Variants in H2BC21 observed in about 807,000 individuals in gnomAD.
H2BC21 encodes H2B clustered histone 21.
Under a neutral mutation model 6.2 loss-of-function variants are expected in H2BC21, and 2 were observed. The ratio of observed to expected loss-of-function variants is 0.32; its 90% CI spans 0.13 to 1.02. The LOEUF is 1.02. H2BC21 is among the 50% of genes least tolerant of loss of function. The probability of loss-of-function intolerance (pLI) is 0.47; values close to 1 mark genes in which losing one functional copy is unlikely to be tolerated. For synonymous variants in H2BC21, 109 were observed against 75.2 expected, an observed-to-expected ratio of 1.45 and a Z score of -2.33; for missense variants, 98 against 172.2, an observed-to-expected ratio of 0.57 and a Z score of 2.41.
At position 149,886,018 on chromosome 1, in the gene H2BC21, C is replaced by T; in HGVS notation, c.*242G>A. 1 of 666,584 alleles carries T rather than the reference C, an allele frequency of 1.5e-6. No individual in the cohort carries two copies. The highest frequency in any genetic ancestry group is 2.5e-6 in the Non-Finnish European group (1 of 406,152). 41.3% of individuals were successfully genotyped at this position (666,584 alleles called of 1,614,324 possible). A position where few individuals can be genotyped will look rare whatever the true frequency, so the allele number is the denominator to read the frequency against. ...GGCTAAGCAGCACAATGAGTAAAGA[C>T]ACGCTCTAGATTCAAAAGCAAATCC... is the stretch of plus-strand genomic sequence containing the variant. On this transcript the variant is annotated 3_prime_UTR_variant, in exon 1 of 1. Coordinates refer to ENST00000369155, the MANE Select transcript of H2BC21 (RefSeq NM_003528.3).
In H2BC21 at chr1:149,886,653, T is replaced by C. The variant is rs781863545; in HGVS notation, c.-13A>G. On this transcript the variant is annotated 5_prime_UTR_variant, in exon 1 of 1. Coordinates refer to ENST00000369155, the MANE Select transcript of H2BC21 (RefSeq NM_003528.3). ...CCGGTTCAGGCATGGTAAGACACAGTACAAACGCGGCTTAGCCAAGAAAAG... is the reference window on the plus strand; with the variant it reads ...CCGGTTCAGGCATGGTAAGACACAGCACAAACGCGGCTTAGCCAAGAAAAG... The C allele has an allele frequency of 2.4e-5, 38 of 1,602,992 alleles. No individual in the cohort carries two copies. In the East Asian group the frequency reaches 6.2e-4, roughly 26 times the overall value.
rs2092290374 is a variant in H2BC21, at chr1:149,885,301, TGCAC to T, written c.*955_*958del. ...TGTCCATAATGTGCCAGGCTGAAGA[TGCAC>T]GGGAAAACCACACTAGCCGGTCTGT... is the stretch of plus-strand genomic sequence containing the variant. On this transcript the variant is annotated 3_prime_UTR_variant, in exon 1 of 1. Transcript: ENST00000369155. The T allele has an allele frequency of 6.6e-6, 1 of 152,310 alleles. No homozygotes were observed. The highest frequency in any genetic ancestry group is 1.5e-5 in the Non-Finnish European group (1 of 68,044). 9.4% of individuals were successfully genotyped at this position (152,310 alleles called of 1,614,324 possible). A position where few individuals can be genotyped will look rare whatever the true frequency, so the allele number is the denominator to read the frequency against.
At position 149,886,010 on chromosome 1, in the gene H2BC21, A is replaced by C. The variant is rs1309567870; in HGVS notation, c.*250T>G. ...CCTGGGAAGGCTAAGCAGCACAATG[A>C]GTAAAGACACGCTCTAGATTCAAAA... is the stretch of plus-strand genomic sequence containing the variant. On this transcript the variant is annotated 3_prime_UTR_variant, in exon 1 of 1. Transcript: ENST00000369155. The C allele has an allele frequency of 4.9e-5, 31 of 637,088 alleles. No homozygotes were observed. The highest frequency in any genetic ancestry group is 7.8e-5 in the Non-Finnish European group (30 of 383,050). 39.5% of individuals were successfully genotyped at this position (637,088 alleles called of 1,614,324 possible). A position where few individuals can be genotyped will look rare whatever the true frequency, so the allele number is the denominator to read the frequency against.
In H2BC21 at chr1:149,886,591, T is replaced by G; in HGVS notation, c.50A>C (p.Lys17Thr). Residue 17 changes from lysine (K) to threonine (T), a missense_variant, in exon 1 of 1, where the codon AAA becomes ACA. Physicochemically the swap from Lys to Thr is moderately conservative, Grantham distance 78. Around this residue, in one of 2 missense-constraint regions of H2BC21, gnomAD observed 50 missense variants for 34.4 expected, o/e 1.45. Transcript: ENST00000369155. ...SAPAPKKGSK[K>T]AVTKAQKKDG... ...TTTCTTCTGGGCTTTGGTGACGGCT[T>G]TCTTGGAGCCCTTTTTAGGGGCCGG... 1 of 1,614,216 alleles carries G rather than the reference T, an allele frequency of 6.2e-7. No individual in the cohort carries two copies. Among genetic ancestry groups the G allele is most frequent in the Non-Finnish European group, 8.5e-7 (1 of 1,180,032 alleles).
Position 149,885,025 on chromosome 1 carries a change from T to TG in H2BC21, c.*1234dup, listed in dbSNP as rs1221181894. On this transcript the variant is annotated 3_prime_UTR_variant, in exon 1 of 1. Transcript: ENST00000369155. Reference sequence around the variant, plus strand: ...TATGCTAAACTGAGAAGCATAAGGGTGGATCTACCATTGCCACCTCCTCTT... The same window carrying TG: ...TATGCTAAACTGAGAAGCATAAGGGTGGGATCTACCATTGCCACCTCCTCTT... The TG allele has an allele frequency of 3.9e-5, 6 of 152,612 alleles. No homozygotes were observed. Among genetic ancestry groups the TG allele is most frequent in the Non-Finnish European group, 7.3e-5 (5 of 68,036 alleles). 9.5% of individuals were successfully genotyped at this position (152,612 alleles called of 1,614,324 possible).
Position 149,886,671 on chromosome 1 carries a change from A to G in H2BC21, c.-31T>C, listed in dbSNP as rs2092301193. On this transcript the variant is annotated 5_prime_UTR_variant, in exon 1 of 1. Transcript: ENST00000369155. ...GACACAGTACAAACGCGGCTTAGCC[A>G]AGAAAAGAAGTAAGAGAATGGGCGG... The G allele has an allele frequency of 2.5e-6, 4 of 1,590,694 alleles. No individual in the cohort carries two copies. The highest frequency in any genetic ancestry group is 2.2e-5 in the East Asian group (1 of 44,726).
Position 149,884,965 on chromosome 1 carries a change from C to G in H2BC21, c.*1295G>C, listed in dbSNP as rs2092288226. The G allele has an allele frequency of 6.6e-6, 1 of 152,482 alleles. No individual in the cohort carries two copies. Among genetic ancestry groups the G allele is most frequent in the Admixed American group, 6.5e-5 (1 of 15,274 alleles). The allele number at this position is 152,482 out of a possible 1,614,324, so 9.4% of individuals were successfully genotyped here. A position where few individuals can be genotyped will look rare whatever the true frequency, so the allele number is the denominator to read the frequency against. ...GAAGGAAAAGGCTCTTTCCAGTGAC[C>G]AACACGCTGAATTTGATGAAAATCC... On this transcript the variant is annotated 3_prime_UTR_variant, in exon 1 of 1. Transcript: ENST00000369155.
rs1473616086 is a variant in H2BC21 at position 149,886,494 on chromosome 1, G to A, written c.147C>T (p.Val49=). 3.1e-6 allele frequency: 5 copies of A among 1,614,168 alleles called. No individual in the cohort carries two copies. The highest frequency in any genetic ancestry group is 1.6e-4 in the Middle Eastern group (1 of 6,084). ...SIYVYKVLKQ[V]HPDTGISSKA... ...TGGACGAGATGCCGGTGTCGGGGTGGACCTGCTTCAGCACCTTGTACACGT... is the reference window on the plus strand; with the variant it reads ...TGGACGAGATGCCGGTGTCGGGGTGAACCTGCTTCAGCACCTTGTACACGT... Residue 49 remains valine, a synonymous_variant, in exon 1 of 1, where the codon GTC becomes GTT. Coordinates refer to ENST00000369155, the MANE Select transcript of H2BC21 (RefSeq NM_003528.3).
chr1:149,885,407 GAC>G lies in H2BC21; in HGVS notation c.*851_*852del, dbSNP rs1571465882. ...AGCTGCTAGAAGGAAGATAAAATGA[GAC>G]AGGCAAGTATGAGAGGCGCGAATTC... On this transcript the variant is annotated 3_prime_UTR_variant, in exon 1 of 1. Transcript: ENST00000369155. 1 of 152,320 alleles carries G rather than the reference GAC, an allele frequency of 6.6e-6. No individual in the cohort carries two copies. The highest frequency in any genetic ancestry group is 6.5e-5 in the Admixed American group (1 of 15,292). The allele number at this position is 152,320 out of a possible 1,614,324, so 9.4% of individuals were successfully genotyped here.
chr1:149,886,019 A>G lies in H2BC21; in HGVS notation c.*241T>C, dbSNP rs1396376637. 3.0e-6 allele frequency: 2 copies of G among 666,750 alleles called. No individual in the cohort carries two copies. Among genetic ancestry groups the G allele is most frequent in the Non-Finnish European group, 4.9e-6 (2 of 406,154 alleles). 41.3% of individuals were successfully genotyped at this position (666,750 alleles called of 1,614,324 possible). On this transcript the variant is annotated 3_prime_UTR_variant, in exon 1 of 1. Transcript: ENST00000369155. ...GCTAAGCAGCACAATGAGTAAAGACACGCTCTAGATTCAAAAGCAAATCCA... is the reference window on the plus strand; with the variant it reads ...GCTAAGCAGCACAATGAGTAAAGACGCGCTCTAGATTCAAAAGCAAATCCA...
chr1:149,886,047 G>A lies in H2BC21; in HGVS notation c.*213C>T, dbSNP rs1553759653. 1 of 772,346 alleles carries A rather than the reference G, an allele frequency of 1.3e-6. No homozygotes were observed. Among genetic ancestry groups the A allele is most frequent in the African/African-American group, 1.8e-5 (1 of 56,900 alleles). 47.8% of individuals were successfully genotyped at this position (772,346 alleles called of 1,614,324 possible). ...CTCTAGATTCAAAAGCAAATCCAAT[G>A]ACGCACTGGGGACCTCGAGTTCCAA... On this transcript the variant is annotated 3_prime_UTR_variant, in exon 1 of 1. Transcript: ENST00000369155.
rs1318605758 is a variant in H2BC21 at position 149,886,163 on chromosome 1, G to A, written c.*97C>T. The A allele has an allele frequency of 4.4e-6, 7 of 1,576,296 alleles. No individual in the cohort carries two copies. In the Admixed American group the frequency reaches 7.4e-5, roughly 17 times the overall value. ...AGAAACTAAGGGAATAAGTGAACAAGCTCTTTTCTAGTGATTAGGTGGGTG... is the reference window on the plus strand; with the variant it reads ...AGAAACTAAGGGAATAAGTGAACAAACTCTTTTCTAGTGATTAGGTGGGTG... On this transcript the variant is annotated 3_prime_UTR_variant, in exon 1 of 1. Coordinates refer to ENST00000369155, the MANE Select transcript of H2BC21 (RefSeq NM_003528.3).
chr1:149,886,449 G>C lies in H2BC21; in HGVS notation c.192C>G (p.Asn64Lys), dbSNP rs2092298723. The C allele has an allele frequency of 6.2e-7, 1 of 1,614,146 alleles. No individual in the cohort carries two copies. The highest frequency in any genetic ancestry group is 1.7e-5 in the Admixed American group (1 of 60,014). Reference sequence around the variant, plus strand: ...GCTCGAAGATGTCGTTGACGAAGGAGTTCATGATGCCCATGGCCTTGGACG... The same window carrying C: ...GCTCGAAGATGTCGTTGACGAAGGACTTCATGATGCCCATGGCCTTGGACG... ...GISSKAMGIM[N>K]SFVNDIFERI... Residue 64 changes from asparagine (N) to lysine (K), a missense_variant, in exon 1 of 1, where the codon AAC (asparagine) becomes AAG (lysine). By Grantham distance (94) the Asn-to-Lys change is moderately conservative. This residue lies in a region of H2BC21 where 48 missense variants were observed against 137.8 expected (regional missense o/e 0.35). Coordinates refer to ENST00000369155, the MANE Select transcript of H2BC21 (RefSeq NM_003528.3).
rs1553759736 is a variant in H2BC21, at chr1:149,886,470, G to A, written c.171C>T (p.Ser57=). The change falls in exon 1 of 1, where the codon TCC becomes TCT. Residue 57 remains serine (S), a synonymous_variant. Coordinates refer to ENST00000369155, the MANE Select transcript of H2BC21 (RefSeq NM_003528.3). The part of the protein sequence containing the change: ...KQVHPDTGIS[S]KAMGIMNSFV... ...AGGAGTTCATGATGCCCATGGCCTT[G>A]GACGAGATGCCGGTGTCGGGGTGGA... 2.5e-6 allele frequency: 4 copies of A among 1,614,258 alleles called. No homozygotes were observed. Among genetic ancestry groups the A allele is most frequent in the Non-Finnish European group, 3.4e-6 (4 of 1,180,040 alleles).
rs1483898719 is a variant in H2BC21, at chr1:149,885,980, C to G, written c.*280G>C. The G allele has an allele frequency of 9.4e-6, 5 of 530,756 alleles. No individual in the cohort carries two copies. Among genetic ancestry groups the G allele is most frequent in the African/African-American group, 1.9e-5 (1 of 52,066 alleles). 32.9% of individuals were successfully genotyped at this position (530,756 alleles called of 1,614,324 possible). A position where few individuals can be genotyped will look rare whatever the true frequency, so the allele number is the denominator to read the frequency against. On this transcript the variant is annotated 3_prime_UTR_variant, in exon 1 of 1. Transcript: ENST00000369155. ...GATTCCCAACAGCCTAATTGAGAAC[C>G]GACTCCTGGGAAGGCTAAGCAGCAC...
At position 149,885,051 on chromosome 1, in the gene H2BC21, T is replaced by C. The variant is rs1361152553; in HGVS notation, c.*1209A>G. ...GGATCTACCATTGCCACCTCCTCTT[T>C]GTAGCAAAAAAAATCTTAACACGGC... On this transcript the variant is annotated 3_prime_UTR_variant, in exon 1 of 1. Transcript: ENST00000369155. The C allele has an allele frequency of 1.3e-5, 2 of 152,592 alleles. No homozygotes were observed. Among genetic ancestry groups the C allele is most frequent in the African/African-American group, 2.4e-5 (1 of 41,420 alleles). The allele number at this position is 152,592 out of a possible 1,614,324, so 9.5% of individuals were successfully genotyped here.
rs2092287026 is a variant in H2BC21, at chr1:149,884,765, C to T, written c.*1495G>A. On this transcript the variant is annotated 3_prime_UTR_variant, in exon 1 of 1. Coordinates refer to ENST00000369155, the MANE Select transcript of H2BC21 (RefSeq NM_003528.3). ...AGAATACAAGGGTGGACAGTATGAG[C>T]TGCATGACTGTGAACCAATGAGGCT... 1 of 152,248 alleles carries T rather than the reference C, an allele frequency of 6.6e-6. No homozygotes were observed. The highest frequency in any genetic ancestry group is 6.5e-5 in the Admixed American group (1 of 15,290). The allele number at this position is 152,248 out of a possible 1,614,324, so 9.4% of individuals were successfully genotyped here.
rs1158181692 is a variant in H2BC21, at chr1:149,885,946, A to G, written c.*314T>C. The G allele has an allele frequency of 4.7e-6, 2 of 423,072 alleles. No individual in the cohort carries two copies. Among genetic ancestry groups the G allele is most frequent in the Non-Finnish European group, 8.6e-6 (2 of 232,778 alleles). The allele number at this position is 423,072 out of a possible 1,614,324, so 26.2% of individuals were successfully genotyped here. On this transcript the variant is annotated 3_prime_UTR_variant, in exon 1 of 1. Transcript: ENST00000369155. ...GTGTGGGGCGGGAGTGGGGGCGGGT[A>G]AAGAGGCGGATTCCCAACAGCCTAA...
Position 149,886,662 on chromosome 1 carries a change from G to A in H2BC21, c.-22C>T, listed in dbSNP as rs782453890. The A allele has an allele frequency of 1.0e-5, 16 of 1,595,422 alleles. No homozygotes were observed. Among genetic ancestry groups the A allele is most frequent in the East Asian group, 2.2e-5 (1 of 44,748 alleles). ...GCATGGTAAGACACAGTACAAACGC[G>A]GCTTAGCCAAGAAAAGAAGTAAGAG... is the stretch of plus-strand genomic sequence containing the variant. On this transcript the variant is annotated 5_prime_UTR_variant, in exon 1 of 1. Coordinates refer to ENST00000369155, the MANE Select transcript of H2BC21 (RefSeq NM_003528.3).
Sources: gnomAD v4.1 joint callset for allele counts on GRCh38, gnomAD v4.1.1 for gene constraint, gnomAD v4.1.1 regional missense constraint, MANE v1.5 for transcripts, NCBI Gene and HGNC (gene_info 2026-07-23, HGNC 2026-07-21) for gene names.